The following SHANK2 variants were observed in gnomAD, a reference collection of about 807,000 sequenced individuals.
SHANK2 encodes the protein SH3 and multiple ankyrin repeat domains protein 2.
In SHANK2, 43 loss-of-function variants were observed where a neutral mutation model predicts 133.7. The observed-to-expected ratio is 0.32, with a 90% CI of 0.25 to 0.41. The LOEUF (loss-of-function observed/expected upper bound fraction) is 0.41, where lower values mean the gene tolerates loss of function less well. Ranked by LOEUF, SHANK2 falls within the 10% of genes least tolerant of loss-of-function variation. The pLI is 1.00. For synonymous variants in SHANK2, 1,017 were observed against 952.8 expected (o/e 1.07, Z -1.24); for missense variants, 1,994 against 2,235.8 (o/e 0.89, Z 2.18).
chr11:70,569,601 G>A lies in SHANK2; in HGVS notation c.2062-66670C>T, dbSNP rs1289690017. Among the ~76,000 whole-genome samples the A allele has an allele frequency of 6.6e-6, 1 of 152,176 alleles. No homozygotes were observed. Among genetic ancestry groups the A allele is most frequent in the Admixed American group, 6.5e-5 (1 of 15,286 alleles). On this transcript the variant is annotated intron_variant, in intron 17 of 25. Coordinates refer to ENST00000601538, the MANE Select transcript of SHANK2 (RefSeq NM_012309.5). This position sits in a 1 kb window ranked among gnomAD's most constrained non-coding sequence, Gnocchi z 5.1. ...CCCTCCCCACGTGGAGGATACCGAGGAGGTTAGGACAGCCCTCGGGCTCAG... is the reference window on the plus strand; with the variant it reads ...CCCTCCCCACGTGGAGGATACCGAGAAGGTTAGGACAGCCCTCGGGCTCAG...
intron 17 of SHANK2, among the ~76,000 whole-genome samples, chr11:70,600,649 G>A (rs1453233381): frequency 1.3e-5 from 2 of 152,096 alleles, no homozygotes; most frequent in Non-Finnish European, 2.9e-5. Flanking sequence ...CCATGTGGAA[G>A]TTTGGTTTAT....
intron 10 of SHANK2, among the ~76,000 whole-genome samples, chr11:70,897,157 T>A (rs1451608410): frequency 6.6e-6 from 1 of 152,152 alleles, no homozygotes; most frequent in Non-Finnish European, 1.5e-5. Flanking sequence ...TAAAGATGCA[T>A]GATCTTTGAT....
intron 11 of SHANK2, among the ~76,000 whole-genome samples, chr11:70,833,063 G>T (rs1449878420): frequency 2.6e-5 from 4 of 152,252 alleles, no homozygotes; most frequent in African/African-American, 9.6e-5. Flanking sequence ...AACAGTGAGG[G>T]CTCATCCCTC....
chr11:71,245,418 A>C (rs972428189), intron 1 of SHANK2, among the ~76,000 whole-genome samples: 4 of 152,284 alleles, frequency 2.6e-5, no homozygotes, highest in African/African-American at 9.6e-5. Flanking sequence ...CGTAAATAAC[A>C]ATAGATTCGT....
At chr11:70,886,397 CAAT>C (rs1949747213) in intron 11 of SHANK2, among the ~76,000 whole-genome samples, 1 of 152,166 alleles carries the variant, frequency 6.6e-6, no homozygotes, top group African/African-American at 2.4e-5. Context: ...GGAGGGGACT[CAAT>C]AACGGGGACC....
At chr11:70,844,137 C>T (rs1948958616) in intron 11 of SHANK2, among the ~76,000 whole-genome samples, 2 of 152,196 alleles carry the variant, frequency 1.3e-5, no homozygotes, top group Admixed American at 1.3e-4. Context: ...CCTGGCTTCC[C>T]CACATCTCTG....
chr11:70,936,975 T>G (rs1173172002), intron 10 of SHANK2, among the ~76,000 whole-genome samples: 3 of 152,230 alleles, frequency 2.0e-5, no homozygotes, highest in Non-Finnish European at 4.4e-5. Context: ...CCCTGAGATG[T>G]CTTGATTGGC....
intron 17 of SHANK2, among the ~76,000 whole-genome samples, chr11:70,597,298 G>A (rs2060414723): frequency 1.3e-5 from 2 of 151,918 alleles, no homozygotes; most frequent in Non-Finnish European, 2.9e-5. Flanking sequence ...CACTACCCAG[G>A]CACCCCATAA....
intron 2 of SHANK2, among the ~76,000 whole-genome samples, chr11:71,153,546 G>C (rs1555108526): frequency 1.3e-5 from 2 of 152,260 alleles, no homozygotes; most frequent in African/African-American, 4.8e-5. Context: ...AATTATTTCA[G>C]CCACTGTGAA....
chr11:70,619,796 A>G (rs1420057954), intron 17 of SHANK2, among the ~76,000 whole-genome samples: 3 of 152,108 alleles, frequency 2.0e-5, no homozygotes, highest in Non-Finnish European at 4.4e-5. Context: ...GTGCCGGCTC[A>G]CAGGGAGGAG....
intron 17 of SHANK2, among the ~76,000 whole-genome samples, chr11:70,511,762 A>G (rs1232394740): frequency 6.6e-6 from 1 of 152,264 alleles, no homozygotes; most frequent in Non-Finnish European, 1.5e-5. Context: ...ACATCCAGGT[A>G]GATGGCAAGA....
intron 10 of SHANK2, among the ~76,000 whole-genome samples, chr11:70,949,936 G>A (rs374562400): frequency 5.3e-5 from 8 of 152,360 alleles, no homozygotes; most frequent in Admixed American, 3.3e-4. Flanking sequence ...GGCTCACAGC[G>A]CTGGTGGCCG....
At chr11:70,915,880 T>G (rs1356142339) in intron 10 of SHANK2, among the ~76,000 whole-genome samples, 1 of 152,186 alleles carries the variant, frequency 6.6e-6, no homozygotes. Context: ...CAACATCATT[T>G]TTTTCTCATT....
chr11:70,475,223 T>A (rs2058647709), intron 25 of SHANK2: 1 of 152,166 alleles, frequency 6.6e-6, no homozygotes, highest in Non-Finnish European at 1.5e-5. Flanking sequence ...TGGTGGGCCG[T>A]GAGGACTCCT....
intron 14 of SHANK2, among the ~76,000 whole-genome samples, chr11:70,794,748 G>C (rs567796637): frequency 1.3e-4 from 20 of 152,036 alleles, no homozygotes; most frequent in Non-Finnish European, 4.4e-5. Flanking sequence ...GTAGAGACAG[G>C]TTTCACCATG....
chr11:70,471,675 G>A lies in SHANK2; in HGVS notation c.*1194C>T, dbSNP rs2058599664. 1 of 339,868 alleles carries A rather than the reference G, an allele frequency of 2.9e-6. No individual in the cohort carries two copies. The highest frequency in any genetic ancestry group is 5.3e-6 in the Non-Finnish European group (1 of 189,932). The allele number at this position is 339,868 out of a possible 1,614,324, so 21.1% of individuals were successfully genotyped here. On this transcript the variant is annotated 3_prime_UTR_variant, in exon 26 of 26. Coordinates refer to ENST00000601538, the MANE Select transcript of SHANK2 (RefSeq NM_012309.5). This position sits in a 1 kb window ranked among gnomAD's most constrained non-coding sequence, Gnocchi z 4.1. Reference sequence around the variant, plus strand: ...GTTGTACTGTTAAGACAAGCTGGTGGGATTCCTAGACACCCAGAGCGATAG... The same window carrying A: ...GTTGTACTGTTAAGACAAGCTGGTGAGATTCCTAGACACCCAGAGCGATAG...
At chr11:70,939,880 A>G (rs1012721644) in intron 10 of SHANK2, among the ~76,000 whole-genome samples, 9 of 152,190 alleles carry the variant, frequency 5.9e-5, no homozygotes, top group Admixed American at 2.0e-4. Context: ...ACTATCCTGG[A>G]TCATCCAGGT....
At chr11:70,689,532 C>T (rs1945229618) in intron 15 of SHANK2, among the ~76,000 whole-genome samples, 1 of 152,032 alleles carries the variant, frequency 6.6e-6, no homozygotes, top group African/African-American at 2.4e-5. Flanking sequence ...TATGACATTC[C>T]TACAAACTTC....
chr11:71,216,147 G>A (rs781792028), intron 2 of SHANK2, among the ~76,000 whole-genome samples: 31 of 152,238 alleles, frequency 2.0e-4, no homozygotes, highest in African/African-American at 6.0e-4. Flanking sequence ...AAACGAAATC[G>A]CGTCCACACA....
Sources: gnomAD v4.1 joint callset for allele counts (sites outside exome capture counted in the v4.1 genomes callset) on GRCh38, gnomAD v4.1.1 for gene constraint, Gnocchi (gnomAD v3.1) non-coding constraint, MANE v1.5 for transcripts, NCBI Gene and HGNC (gene_info 2026-07-23, HGNC 2026-07-21) for gene names.